NKAIN2: variants seen among roughly 807,000 people sequenced by gnomAD.
NKAIN2 encodes the protein sodium/potassium-transporting ATPase subunit beta-1-interacting protein 2.
A neutral mutation model predicts 32.6 loss-of-function variants in NKAIN2; 14 were observed. That is an observed-to-expected ratio of 0.43 (90% CI 0.28 to 0.67). The LOEUF (loss-of-function observed/expected upper bound fraction) is 0.67. Ranked by LOEUF, NKAIN2 falls within the 30% of genes least tolerant of loss-of-function variation. The probability of loss-of-function intolerance (pLI) is 0.17; values close to 1 mark genes in which losing one functional copy is unlikely to be tolerated. For missense variants in NKAIN2, 198 were observed against 258.3 expected (o/e 0.77, Z 1.60); for synonymous variants, 80 against 87.2 (o/e 0.92, Z 0.46).
intron 1 of NKAIN2, among the ~76,000 whole-genome samples, chr6:123,821,067 T>C (rs1220103479): frequency 1.3e-5 from 2 of 152,306 alleles, no homozygotes; most frequent in East Asian, 1.9e-4. Context: ...CAGGATTCAT[T>C]TGGGCTGTTG....
chr6:124,261,599 G>T (rs746224865), intron 1 of NKAIN2, among the ~76,000 whole-genome samples: 1 of 152,072 alleles, frequency 6.6e-6, no homozygotes, highest in Non-Finnish European at 1.5e-5. Context: ...GGTACATGAC[G>T]CCCGTAATCC....
chr6:124,569,863 G>A (rs1277363548), intron 3 of NKAIN2, among the ~76,000 whole-genome samples: 1 of 152,184 alleles, frequency 6.6e-6, no homozygotes, highest in African/African-American at 2.4e-5. Context: ...AACAGGCAGA[G>A]GTTGGAATAG....
intron 3 of NKAIN2, among the ~76,000 whole-genome samples, chr6:124,495,495 A>C: frequency 6.6e-6 from 1 of 152,032 alleles, no homozygotes; most frequent in Non-Finnish European, 1.5e-5. Flanking sequence ...GTTAAAATGC[A>C]AACTCTCACT....
intron 1 of NKAIN2, among the ~76,000 whole-genome samples, chr6:124,212,819 T>C (rs899035747): frequency 1.3e-5 from 2 of 152,120 alleles, no homozygotes; most frequent in African/African-American, 4.8e-5. Context: ...TTTTGTTGAG[T>C]ATTCATGTGA....
chr6:124,596,661 AGGGTGTGTGTGT>A (rs1413591955), intron 3 of NKAIN2, among the ~76,000 whole-genome samples: 2 of 82,880 alleles, frequency 2.4e-5, no homozygotes, highest in African/African-American at 8.5e-5. Context: ...AATAAACCAT[AGGGTGTGTGTGT>A]GTGTGTGTGT....
At chr6:123,824,579 T>G (rs1774065389) in intron 1 of NKAIN2, among the ~76,000 whole-genome samples, 1 of 151,962 alleles carries the variant, frequency 6.6e-6, no homozygotes, top group Admixed American at 6.6e-5. Flanking sequence ...GTTTAAAAAT[T>G]ACTATCCCAT....
intron 1 of NKAIN2, among the ~76,000 whole-genome samples, chr6:123,923,941 TAATAATAAA>T (rs1469774927): frequency 1.9e-4 from 28 of 149,840 alleles, no homozygotes; most frequent in Non-Finnish European, 3.3e-4. Flanking sequence ...TAAAGTATAA[TAATAATAAA>T]AATAAAAAAA....
At chr6:124,550,442 G>T (rs753811438) in intron 3 of NKAIN2, among the ~76,000 whole-genome samples, 6 of 151,932 alleles carry the variant, frequency 3.9e-5, no homozygotes, top group Non-Finnish European at 7.4e-5. Flanking sequence ...CACCACAGAT[G>T]CTCATCTTCT....
intron 1 of NKAIN2, among the ~76,000 whole-genome samples, chr6:123,850,322 G>C (rs1371069598): frequency 1.4e-5 from 2 of 139,340 alleles, no homozygotes; most frequent in Non-Finnish European, 3.0e-5. Context: ...CTAACTGGCT[G>C]ATAACACTTG....
chr6:124,658,120 C>A, intron 3 of NKAIN2, 66 bp from the exon 4 acceptor site: 2 of 1,254,384 alleles, frequency 1.6e-6, no homozygotes, highest in South Asian at 1.5e-5. Flanking sequence ...CAAAGCAAGT[C>A]AGTCCCAAGT....
intron 3 of NKAIN2, among the ~76,000 whole-genome samples, chr6:124,486,093 TC>T (rs1777638197): frequency 1.3e-5 from 2 of 152,204 alleles, no homozygotes; most frequent in African/African-American, 4.8e-5. Context: ...TTCCCTGTCA[TC>T]CTCATTTGTT....
chr6:124,682,146 C>A (rs573784832), intron 4 of NKAIN2, among the ~76,000 whole-genome samples: 178 of 150,460 alleles, frequency 1.2e-3, no homozygotes, highest in African/African-American at 4.3e-3. Context: ...TTTTTTTTTA[C>A]AAATAAAAAT....
At chr6:124,315,940 A>C (rs576319854) in intron 2 of NKAIN2, among the ~76,000 whole-genome samples, 26 of 152,214 alleles carry the variant, frequency 1.7e-4, no homozygotes, top group African/African-American at 6.3e-4. Flanking sequence ...TTATGACAAG[A>C]TGGGTGAATC....
intron 1 of NKAIN2, among the ~76,000 whole-genome samples, chr6:124,079,578 A>G (rs1783857475): frequency 6.6e-6 from 1 of 152,172 alleles, no homozygotes; most frequent in Non-Finnish European, 1.5e-5. Flanking sequence ...CTTTGATAAT[A>G]AGGTGATCAA....
At chr6:124,309,023 A>G (rs1415260243) in intron 2 of NKAIN2, among the ~76,000 whole-genome samples, 1 of 152,160 alleles carries the variant, frequency 6.6e-6, no homozygotes, top group Non-Finnish European at 1.5e-5. Flanking sequence ...ACAAACCGAG[A>G]ACAGGCATCC....
chr6:124,422,283 TAC>T (rs1193026462), intron 3 of NKAIN2, among the ~76,000 whole-genome samples: 1 of 152,030 alleles, frequency 6.6e-6, no homozygotes, highest in East Asian at 1.9e-4. Flanking sequence ...TTAAGTAAGT[TAC>T]CAAATTGAAA....
chr6:124,126,003 C>T (rs115196174), intron 1 of NKAIN2, among the ~76,000 whole-genome samples: 2,569 of 152,138 alleles, frequency 0.017, 87 homozygotes, highest in African/African-American at 0.055. Flanking sequence ...GTTTTAATTA[C>T]TGATGATTTC....
intron 1 of NKAIN2, among the ~76,000 whole-genome samples, chr6:124,186,177 GAAAGAAA>G (rs1789724483): frequency 6.9e-6 from 1 of 145,064 alleles, no homozygotes; most frequent in African/African-American, 2.6e-5. Context: ...GGGAGGGAAA[GAAAGAAA>G]GGAAGGAAGG....
At chr6:124,717,819 T>G (rs1333038306) in intron 4 of NKAIN2, among the ~76,000 whole-genome samples, 2 of 152,132 alleles carry the variant, frequency 1.3e-5, no homozygotes, top group African/African-American at 4.8e-5. Flanking sequence ...TTTAGCCCAC[T>G]CTGGTTCTGC....
Sources: allele counts gnomAD v4.1 joint callset (sites outside exome capture counted in the v4.1 genomes callset), GRCh38; gene constraint gnomAD v4.1.1; transcripts MANE v1.5; gene names NCBI Gene and HGNC (gene_info 2026-07-23, HGNC 2026-07-21).